AGTPBP1: variants seen among roughly 807,000 people sequenced by gnomAD.
AGTPBP1 encodes ATP/GTP binding carboxypeptidase 1, also known as cytosolic carboxypeptidase 1.
Under a neutral mutation model 143.9 loss-of-function variants are expected in AGTPBP1, and 70 were observed. That is an observed-to-expected ratio of 0.49 (90% CI 0.40 to 0.59). The LOEUF is 0.59. Among genes scored for constraint, AGTPBP1 ranks in the 20% least tolerant of loss-of-function variants. The probability of loss-of-function intolerance (pLI) is 0.00; values close to 1 mark genes in which losing one functional copy is unlikely to be tolerated. For missense variants in AGTPBP1, 1,229 were observed against 1,464.5 expected (o/e 0.84, Z 2.62); for synonymous variants, 463 against 500.2 (o/e 0.93, Z 0.99).
chr9:85,602,102 A>G (rs1355879121), intron 17 of AGTPBP1, among the ~76,000 whole-genome samples: 1 of 152,230 alleles, frequency 6.6e-6, no homozygotes, highest in Non-Finnish European at 1.5e-5. Context: ...ACAAGAAAAT[A>G]TGACACCTCC....
intron 19 of AGTPBP1, among the ~76,000 whole-genome samples, chr9:85,590,517 T>C (rs1587693541): frequency 6.6e-6 from 1 of 152,316 alleles, no homozygotes; most frequent in South Asian, 2.1e-4. Flanking sequence ...TTTCAAACTT[T>C]TGCCTATGTT....
intron 19 of AGTPBP1, among the ~76,000 whole-genome samples, chr9:85,591,463 T>G (rs1413385949): frequency 6.6e-6 from 1 of 152,010 alleles, no homozygotes; most frequent in Admixed American, 6.6e-5. Flanking sequence ...CTGGAAAACA[T>G]CATGGTAGGG....
chr9:85,584,487 C>G (rs1236439987), intron 23 of AGTPBP1, among the ~76,000 whole-genome samples: 2 of 152,090 alleles, frequency 1.3e-5, no homozygotes, highest in Non-Finnish European at 1.5e-5. Context: ...TGAGAACATC[C>G]TTTTTTATTC....
In AGTPBP1 at chr9:85,586,842, G is replaced by A. The variant is rs775183679; in HGVS notation, c.3022C>T (p.Arg1008Cys). 8.7e-6 allele frequency: 14 copies of A among 1,613,372 alleles called. No individual in the cohort carries two copies. Among genetic ancestry groups the A allele is most frequent in the African/African-American group, 6.7e-5 (5 of 74,872 alleles). ...GTATTGCTACTTACCAAGGGTAAAC[G>A]CTTCACTGCAGCCAAGTATTGCAAC... The part of the protein sequence containing the change: ...GLLQYLAAVK[R>C]LPLVYCDYHG... Residue 1008 changes from arginine to cysteine, a missense_variant, in exon 22 of 26, where the codon CGT (arginine) becomes TGT (cysteine). Arg to Cys is a radical substitution (Grantham distance 180). Coordinates refer to ENST00000357081, the MANE Select transcript of AGTPBP1 (RefSeq NM_001330701.2).
In AGTPBP1 at chr9:85,655,246, T is replaced by G; in HGVS notation, c.984A>C (p.Lys328Asn). 6.3e-7 allele frequency: 1 copy of G among 1,595,580 alleles called. No individual in the cohort carries two copies. Among genetic ancestry groups the G allele is most frequent in the Non-Finnish European group, 8.5e-7 (1 of 1,170,412 alleles). ...TAATTGTTGGGAGTGGCAGTCGATT[T>G]TTTGGGAAACACTTCCTCATTATCA... ...SSLIMRKCFP[K>N]NRLPLPTIKS... The change falls in exon 11 of 26, where the codon AAA (lysine) becomes AAC (asparagine). Residue 328 changes from lysine to asparagine, a missense_variant. By Grantham distance (94) the Lys-to-Asn change is moderately conservative (BLOSUM62 0). Around this residue, in one of 2 missense-constraint regions of AGTPBP1, gnomAD observed 743 missense variants for 812.2 expected, o/e 0.91. Coordinates refer to ENST00000357081, the MANE Select transcript of AGTPBP1 (RefSeq NM_001330701.2).
At chr9:85,589,072 A>AT (rs1187172404) in intron 20 of AGTPBP1, among the ~76,000 whole-genome samples, 4 of 152,110 alleles carry the variant, frequency 2.6e-5, no homozygotes, top group African/African-American at 9.7e-5. Context: ...TTTTATTTTT[A>AT]TTACTACAGT....
intron 17 of AGTPBP1, 98 bp downstream of exon 17, chr9:85,618,885 A>G: frequency 7.6e-7 from 1 of 1,319,400 alleles, no homozygotes; most frequent in East Asian, 2.4e-5. Context: ...CAAGACACTG[A>G]AACATTTTTT....
At chr9:85,600,701 G>A (rs540855093) in intron 17 of AGTPBP1, among the ~76,000 whole-genome samples, 3 of 152,224 alleles carry the variant, frequency 2.0e-5, no homozygotes, top group Non-Finnish European at 1.5e-5. Context: ...GAGCTGCTTC[G>A]AGACTGCACA....
intron 25 of AGTPBP1, among the ~76,000 whole-genome samples, chr9:85,558,142 C>T (rs978654594): frequency 1.3e-5 from 2 of 152,082 alleles, no homozygotes; most frequent in African/African-American, 4.8e-5. Flanking sequence ...TTCTAATGTC[C>T]ATGCTGTAGG....
chr9:85,695,923 C>G (rs1337470918), intron 2 of AGTPBP1, among the ~76,000 whole-genome samples: 1 of 151,848 alleles, frequency 6.6e-6, no homozygotes, highest in African/African-American at 2.4e-5. Context: ...CTCACTGAAA[C>G]CTCCATGTCC....
At chr9:85,603,776 GC>G (rs1268704554) in intron 17 of AGTPBP1, among the ~76,000 whole-genome samples, 1 of 152,184 alleles carries the variant, frequency 6.6e-6, no homozygotes, top group East Asian at 1.9e-4. Flanking sequence ...AGAGACCCAG[GC>G]CTGACAGCAT....
Position 85,560,617 on chromosome 9 carries a change from T to C in AGTPBP1, c.3504-13331A>G, listed in dbSNP as rs1346138304. 7.2e-5 allele frequency among the ~76,000 whole-genome samples: 11 copies of C among 152,264 alleles called. No homozygotes were observed. In the East Asian group the frequency reaches 2.1e-3, roughly 29 times the overall value. On this transcript the variant is annotated intron_variant, in intron 25 of 25. Transcript: ENST00000357081. ...AAAAAAATCCCCTAAGGAGTCTTTG[T>C]AGATAGATATTTTTCCTAACTCCCA...
At chr9:85,589,039 C>A (rs953724990) in intron 20 of AGTPBP1, among the ~76,000 whole-genome samples, 2 of 151,954 alleles carry the variant, frequency 1.3e-5, no homozygotes, top group Non-Finnish European at 2.9e-5. Flanking sequence ...TGAAATACTT[C>A]GCCTTCTTAT....
At chr9:85,600,590 G>A (rs1829600147) in intron 17 of AGTPBP1, among the ~76,000 whole-genome samples, 1 of 152,070 alleles carries the variant, frequency 6.6e-6, no homozygotes, top group Non-Finnish European at 1.5e-5. Context: ...ACAGGAAAAG[G>A]GTAAGTGAGA....
intron 25 of AGTPBP1, among the ~76,000 whole-genome samples, chr9:85,560,200 T>C (rs1210905927): frequency 6.6e-6 from 1 of 151,954 alleles, no homozygotes; most frequent in Non-Finnish European, 1.5e-5. Context: ...TAAGTACCTA[T>C]GGAAGGAAGG....
At chr9:85,572,002 GTGTTTT>G (rs1827503502) in intron 25 of AGTPBP1, among the ~76,000 whole-genome samples, 2 of 85,288 alleles carry the variant, frequency 2.3e-5, no homozygotes, top group African/African-American at 3.6e-5. Flanking sequence ...TTGTTTGTGT[GTGTTTT>G]TTTTTTTTTT....
At chr9:85,658,744 T>C (rs1833683495) in intron 9 of AGTPBP1, among the ~76,000 whole-genome samples, 1 of 152,058 alleles carries the variant, frequency 6.6e-6, no homozygotes, top group South Asian at 2.1e-4. Flanking sequence ...ACTTATTAAT[T>C]CCCTTTCAGA....
Position 85,642,845 on chromosome 9 carries a change from C to A in AGTPBP1, c.1284G>T (p.Glu428Asp). 6.2e-7 allele frequency: 1 copy of A among 1,608,276 alleles called. No individual in the cohort carries two copies. The highest frequency in any genetic ancestry group is 2.2e-5 in the East Asian group (1 of 44,760). Residue 428 changes from glutamate (E) to aspartate (D), a missense_variant, in exon 13 of 26, where the codon GAG becomes GAT. Around this residue, in one of 2 missense-constraint regions of AGTPBP1, gnomAD observed 743 missense variants for 812.2 expected, o/e 0.91. Transcript: ENST00000357081. ...TTTATACCTGAAAATCATCAACAAG[C>A]TCAGGGAAAAGGTGTTCATACATTT... Reference protein sequence around the residue: ...DLKMYEHLFPELVDDFQDYDL... With the variant: ...DLKMYEHLFPDLVDDFQDYDL...
intron 1 of AGTPBP1, among the ~76,000 whole-genome samples, chr9:85,732,858 G>C (rs906138135): frequency 6.6e-6 from 1 of 151,894 alleles, no homozygotes; most frequent in East Asian, 1.9e-4. Context: ...AACAGACTCT[G>C]AATCAAATAA....
Sources: gnomAD v4.1 joint callset for allele counts (sites outside exome capture counted in the v4.1 genomes callset) on GRCh38, gnomAD v4.1.1 for gene constraint, gnomAD v4.1.1 regional missense constraint, MANE v1.5 for transcripts, NCBI Gene and HGNC (gene_info 2026-07-23, HGNC 2026-07-21) for gene names.